Variants in TRIM67 observed in about 807,000 individuals in gnomAD.
TRIM67 encodes the protein tripartite motif containing 67, also known as tripartite motif-containing protein 67.
TRIM67 carries 39 observed loss-of-function variants against 71.0 expected under a neutral mutation model. The ratio of observed to expected loss-of-function variants is 0.55; its 90% CI spans 0.43 to 0.72. The LOEUF (loss-of-function observed/expected upper bound fraction) is 0.72, where lower values mean the gene tolerates loss of function less well. Among genes scored for constraint, TRIM67 ranks in the 30% least tolerant of loss-of-function variants. The pLI is 0.00. For missense variants in TRIM67, 973 were observed against 1,079.2 expected, an observed-to-expected ratio of 0.90 and a Z score of 1.38; for synonymous variants, 481 against 473.9, an observed-to-expected ratio of 1.01 and a Z score of -0.19.
chr1:231,173,580 C>T (rs554828109), intron 1 of TRIM67, among the ~76,000 whole-genome samples: 12 of 152,208 alleles, frequency 7.9e-5, no homozygotes, highest in Middle Eastern at 3.4e-3. Flanking sequence ...TGTGTTTAAA[C>T]GACAGAAATG....
intron 1 of TRIM67, among the ~76,000 whole-genome samples, chr1:231,187,338 C>G (rs929194561): frequency 6.6e-6 from 1 of 152,074 alleles, no homozygotes; most frequent in Admixed American, 6.5e-5. Context: ...CCGTGCCTCC[C>G]TCAGGTGGTG....
chr1:231,215,407 T>C lies in TRIM67; in HGVS notation c.2319T>C (p.Thr773=). 1 of 1,612,486 alleles carries C rather than the reference T, an allele frequency of 6.2e-7. No individual in the cohort carries two copies. Among genetic ancestry groups the C allele is most frequent in the East Asian group, 2.2e-5 (1 of 44,814 alleles). The change falls in exon 10 of 10, where the codon ACT becomes ACC. Residue 773 remains threonine, a synonymous_variant. Transcript: ENST00000366653. ...VTLHTGLEVP[T]NLGRPKLSGN Reference sequence around the variant, plus strand: ...TGCACACAGGATTGGAAGTGCCGACTAACCTGGGGCGGCCAAAGCTGTCAG... The same window carrying C: ...TGCACACAGGATTGGAAGTGCCGACCAACCTGGGGCGGCCAAAGCTGTCAG...
intron 1 of TRIM67, among the ~76,000 whole-genome samples, chr1:231,193,027 G>T (rs145430197): frequency 6.6e-6 from 1 of 152,276 alleles, no homozygotes; most frequent in East Asian, 1.9e-4. Context: ...GAAGGCTGGC[G>T]CTGGCTGGGA....
intron 3 of TRIM67, among the ~76,000 whole-genome samples, chr1:231,199,660 G>A (rs543052784): frequency 6.6e-6 from 1 of 152,204 alleles, no homozygotes. Context: ...TCTCTGAGTT[G>A]ATGACGGGCT....
At chr1:231,168,628 T>C (rs1014738118) in intron 1 of TRIM67, among the ~76,000 whole-genome samples, 3 of 152,260 alleles carry the variant, frequency 2.0e-5, no homozygotes, top group Non-Finnish European at 4.4e-5. Flanking sequence ...TTCTAGTAAT[T>C]ATTGTTTGCT....
At chr1:231,205,725 CA>C (rs11325333) in intron 6 of TRIM67, among the ~76,000 whole-genome samples, 24,629 of 98,192 alleles carry the variant, frequency 0.25, 3,206 homozygotes, top group African/African-American at 0.48. Context: ...GACTCTGTCT[CA>C]AAAAAAAAAA....
rs1684006945 is a variant in TRIM67, at chr1:231,216,096, CA to C, written c.*658del. On this transcript the variant is annotated 3_prime_UTR_variant, in exon 10 of 10. Transcript: ENST00000366653. ...AAAATGGCTTCCTTTATTAATCAGC[CA>C]ATTGTGTTCTCTCTCTCTCTTCCTC... is the stretch of plus-strand genomic sequence containing the variant. 2.0e-6 allele frequency: 2 copies of C among 985,192 alleles called. No individual in the cohort carries two copies. The highest frequency in any genetic ancestry group is 9.4e-5 in the South Asian group (2 of 21,288). 61.0% of individuals were successfully genotyped at this position (985,192 alleles called of 1,614,324 possible). A position where few individuals can be genotyped will look rare whatever the true frequency, so the allele number is the denominator to read the frequency against.
intron 1 of TRIM67, among the ~76,000 whole-genome samples, chr1:231,191,016 T>C (rs1408197607): frequency 6.6e-6 from 1 of 152,124 alleles, no homozygotes; most frequent in Non-Finnish European, 1.5e-5. Flanking sequence ...CTCCCCACCA[T>C]ATTTCTGAGC....
chr1:231,163,137 G>A lies in TRIM67; in HGVS notation c.168G>A (p.Gly56=), dbSNP rs1357452105. The stretch of plus-strand genomic sequence containing the variant: ...CGCTCCTGCTTTCCCGGGGATCGGG[G>A]CTGCAGGCGGGCGCCGCCGCCGCTG... ...PQPLLLSRGS[G]LQAGAAAAAS... is the part of the protein sequence containing the mutation. Residue 56 remains glycine (G), a synonymous_variant, in exon 1 of 10, where the codon GGG becomes GGA. Coordinates refer to ENST00000366653, the MANE Select transcript of TRIM67 (RefSeq NM_001004342.5). 6 of 1,541,016 alleles carry A rather than the reference G, an allele frequency of 3.9e-6. No homozygotes were observed. In the Admixed American group the frequency reaches 9.9e-5, roughly 25 times the overall value.
At chr1:231,164,909 T>TC (rs1682409773) in intron 1 of TRIM67, among the ~76,000 whole-genome samples, 1 of 152,236 alleles carries the variant, frequency 6.6e-6, no homozygotes, top group Admixed American at 6.5e-5. Context: ...GCATACGTTG[T>TC]TATTATAATT....
At chr1:231,206,927 C>T (rs763763173) in intron 7 of TRIM67, 137 bp downstream of exon 7, 74 of 936,774 alleles carry the variant, frequency 7.9e-5, no homozygotes, top group Middle Eastern at 3.5e-4. Context: ...TCTCCAAGGG[C>T]GTGCCCTTCT....
At chr1:231,167,764 G>A (rs187585096) in intron 1 of TRIM67, among the ~76,000 whole-genome samples, 4 of 152,040 alleles carry the variant, frequency 2.6e-5, no homozygotes, top group African/African-American at 9.6e-5. Context: ...CAACTCTCAC[G>A]TCTTAAGGCT....
rs766676853 is a variant in TRIM67 at position 231,203,209 on chromosome 1, G to C, written c.1535-658G>C. On this transcript the variant is annotated intron_variant, in intron 5 of 9. Coordinates refer to ENST00000366653, the MANE Select transcript of TRIM67 (RefSeq NM_001004342.5). ...TTCTAAAATCTCTTGAGCCTGAATA[G>C]AGCTAGAAAATTTGTAAACTTCTCC... Among the ~76,000 whole-genome samples, 8 of 152,288 alleles carry C rather than the reference G, an allele frequency of 5.3e-5. 1 individual carries two copies. In the South Asian group the frequency reaches 8.3e-4, roughly 16 times the overall value.
Position 231,213,990 on chromosome 1 carries a change from C to A in TRIM67, c.2286+13C>A. 2 of 1,600,346 alleles carry A rather than the reference C, an allele frequency of 1.2e-6. No individual in the cohort carries two copies. The highest frequency in any genetic ancestry group is 8.5e-7 in the Non-Finnish European group (1 of 1,172,368). The stretch of plus-strand genomic sequence containing the variant: ...CCGCAACGTGCAGGTACACACCTCC[C>A]CAGGGCCGGACCTGGTCTGGCTGCT... On this transcript the variant is annotated intron_variant, in intron 9 of 9. Transcript: ENST00000366653.
intron 1 of TRIM67, among the ~76,000 whole-genome samples, chr1:231,189,439 A>G (rs559031382): frequency 6.6e-6 from 1 of 152,292 alleles, no homozygotes; most frequent in East Asian, 1.9e-4. Flanking sequence ...TGTGGGTCCA[A>G]TGTCACCAGA....
At chr1:231,202,248 T>TCATGGAGGA (rs1683571238) in intron 5 of TRIM67, among the ~76,000 whole-genome samples, 2 of 1,214 alleles carry the variant, frequency 1.6e-3, no homozygotes, top group African/African-American at 3.5e-3. Context: ...GGGGGGGTAG[T>TCATGGAGGA]GGAGAAGGAG....
intron 9 of TRIM67, among the ~76,000 whole-genome samples, chr1:231,214,919 C>A (rs978500875): frequency 1.3e-5 from 2 of 151,728 alleles, no homozygotes; most frequent in South Asian, 2.1e-4. Flanking sequence ...GGGGAATGAA[C>A]AAGACACCAT....
intron 1 of TRIM67, among the ~76,000 whole-genome samples, chr1:231,166,657 C>T (rs548619678): frequency 5.3e-5 from 8 of 152,334 alleles, no homozygotes; most frequent in African/African-American, 1.4e-4. Context: ...AAGAAGCCAT[C>T]ATCAAAGCCT....
At chr1:231,194,790 C>T (rs1454287069) in intron 1 of TRIM67, among the ~76,000 whole-genome samples, 2 of 152,202 alleles carry the variant, frequency 1.3e-5, no homozygotes, top group Non-Finnish European at 2.9e-5. Flanking sequence ...TCAAGCCATC[C>T]TCCTGCCCCA....
Sources: allele counts gnomAD v4.1 joint callset (sites outside exome capture counted in the v4.1 genomes callset), GRCh38; gene constraint gnomAD v4.1.1; transcripts MANE v1.5; gene names NCBI Gene and HGNC (gene_info 2026-07-23, HGNC 2026-07-21).